STAB2: variants seen among roughly 807,000 people sequenced by gnomAD.
STAB2 encodes stabilin-2.
Under a neutral mutation model 338.1 loss-of-function variants are expected in STAB2, and 288 were observed. That is an observed-to-expected ratio of 0.85 (90% CI 0.77 to 0.94). The LOEUF is 0.94. STAB2 is among the 40% of genes least tolerant of loss of function. STAB2 has a pLI of 0.00. For synonymous variants in STAB2, 1,202 were observed against 1,193.3 expected, an observed-to-expected ratio of 1.01 and a Z score of -0.15; for missense variants, 3,141 against 3,210.1, an observed-to-expected ratio of 0.98 and a Z score of 0.52.
chr12:103,742,799 AT>A (rs1172851231), intron 56 of STAB2, among the ~76,000 whole-genome samples: 9 of 152,198 alleles, frequency 5.9e-5, no homozygotes, highest in African/African-American at 1.9e-4. Context: ...TGGCTGAACA[AT>A]GTTCATTCGA....
chr12:103,622,773 T>A (rs1397035158), intron 5 of STAB2, among the ~76,000 whole-genome samples: 1 of 152,210 alleles, frequency 6.6e-6, no homozygotes, highest in African/African-American at 2.4e-5. Context: ...CTTCCACCCA[T>A]CTTTATGATT....
chr12:103,705,827 C>T (rs969314607), intron 37 of STAB2, 100 bp downstream of exon 37: 1 of 1,091,822 alleles, frequency 9.2e-7, no homozygotes, highest in Non-Finnish European at 1.4e-6. Context: ...ATGCTTTCTG[C>T]CATCTCCTCT....
At chr12:103,597,191 T>C (rs1319169400) in intron 3 of STAB2, among the ~76,000 whole-genome samples, 1 of 152,082 alleles carries the variant, frequency 6.6e-6, no homozygotes, top group African/African-American at 2.4e-5. Flanking sequence ...AAACCTCTAC[T>C]TGGCAGTATA....
rs758916544 is a variant in STAB2 at position 103,704,663 on chromosome 12, C to A, written c.3900+49C>A. 5 of 1,541,784 alleles carry A rather than the reference C, an allele frequency of 3.2e-6. No individual in the cohort carries two copies. In the Admixed American group the frequency reaches 8.8e-5, roughly 27 times the overall value. On this transcript the variant is annotated intron_variant, in intron 36 of 68. Coordinates refer to ENST00000388887, the MANE Select transcript of STAB2 (RefSeq NM_017564.10). ...AAAATAGTTTCCAGATCCGAGGAGT[C>A]CCAATTAGAAAATGAACCTCAAGAT...
In STAB2 at chr12:103,708,548, G is replaced by A. The variant is rs370349357; in HGVS notation, c.4288+12G>A. On this transcript the variant is annotated intron_variant, in intron 39 of 68. Coordinates refer to ENST00000388887, the MANE Select transcript of STAB2 (RefSeq NM_017564.10). ...GCATTGTGACAATGGTAAGAGTGAG[G>A]CCTCCAGTATTTATAATCTGCTCTA... is the stretch of plus-strand genomic sequence containing the variant. The A allele has an allele frequency of 1.9e-6, 3 of 1,612,846 alleles. No individual in the cohort carries two copies. The highest frequency in any genetic ancestry group is 2.5e-6 in the Non-Finnish European group (3 of 1,179,008).
chr12:103,692,907 C>G lies in STAB2; in HGVS notation c.3375+18C>G. ...TCAACAAGGTACAAGATTCCATTCT[C>G]CTGTGCGTGCAGCATCTCTTTTCCC... is the stretch of plus-strand genomic sequence containing the variant. On this transcript the variant is annotated intron_variant, in intron 31 of 68. Coordinates refer to ENST00000388887, the MANE Select transcript of STAB2 (RefSeq NM_017564.10). 1 of 1,600,560 alleles carries G rather than the reference C, an allele frequency of 6.2e-7. No homozygotes were observed. Among genetic ancestry groups the G allele is most frequent in the Non-Finnish European group, 8.6e-7 (1 of 1,168,420 alleles).
At chr12:103,675,865 C>T (rs976614132) in intron 23 of STAB2, 63 bp from the exon 24 acceptor site, 2 of 1,343,150 alleles carry the variant, frequency 1.5e-6, no homozygotes, top group African/African-American at 1.5e-5. Context: ...CTCTAGCTGG[C>T]TGGCTCTCTT....
chr12:103,744,643 G>A (rs1464079047), intron 56 of STAB2, among the ~76,000 whole-genome samples: 1 of 150,258 alleles, frequency 6.7e-6, no homozygotes, highest in African/African-American at 2.5e-5. Context: ...ATTTTTGTTT[G>A]TTGTTGTTGT....
At chr12:103,661,046 T>G (rs537442417) in intron 17 of STAB2, among the ~76,000 whole-genome samples, 1 of 152,188 alleles carries the variant, frequency 6.6e-6, no homozygotes, top group South Asian at 2.1e-4. Flanking sequence ...ATTATTTAAT[T>G]ACAATGGTAA....
At chr12:103,688,246 G>A (rs953403444) in intron 28 of STAB2, 31 bp downstream of exon 28, 8 of 1,607,120 alleles carry the variant, frequency 5.0e-6, no homozygotes, top group Non-Finnish European at 6.8e-6. Flanking sequence ...TTAGGATTGG[G>A]AATGTATATA....
chr12:103,652,884 T>C (rs147704230), intron 12 of STAB2, among the ~76,000 whole-genome samples, 179 bp downstream of exon 12: 1 of 152,318 alleles, frequency 6.6e-6, no homozygotes, highest in African/African-American at 2.4e-5. Context: ...GGGAAGGCCA[T>C]GGAGGAAGGG....
chr12:103,663,518 A>G (rs1000471721), intron 18 of STAB2, among the ~76,000 whole-genome samples: 1 of 151,574 alleles, frequency 6.6e-6, no homozygotes, highest in Admixed American at 6.6e-5. Flanking sequence ...TTTTTTTTCT[A>G]GTTTTTTATT....
chr12:103,648,150 A>T (rs2138719636), intron 9 of STAB2, among the ~76,000 whole-genome samples: 1 of 152,306 alleles, frequency 6.6e-6, no homozygotes, highest in African/African-American at 2.4e-5. Flanking sequence ...TCATGAGAGT[A>T]TATATAATGG....
chr12:103,630,658 A>G (rs1224137414), intron 5 of STAB2, among the ~76,000 whole-genome samples: 1 of 152,224 alleles, frequency 6.6e-6, no homozygotes, highest in Non-Finnish European at 1.5e-5. Context: ...AGAGAGAACC[A>G]TAGAAATGGT....
intron 63 of STAB2, among the ~76,000 whole-genome samples, chr12:103,757,411 A>G (rs1884212267): frequency 6.6e-6 from 1 of 152,232 alleles, no homozygotes; most frequent in South Asian, 2.1e-4. Flanking sequence ...TTTAGCACTT[A>G]CCATGTGCTT....
intron 30 of STAB2, 47 bp from the exon 31 acceptor site, chr12:103,692,765 G>A (rs775067117): frequency 1.3e-6 from 2 of 1,501,274 alleles, no homozygotes; most frequent in Non-Finnish European, 1.8e-6. Flanking sequence ...CAATCCCAAG[G>A]TGCGCTCTAT....
chr12:103,592,859 C>A (rs998243343), intron 2 of STAB2, among the ~76,000 whole-genome samples: 8 of 152,144 alleles, frequency 5.3e-5, no homozygotes, highest in Admixed American at 1.3e-4. Context: ...TCCTTCCAAC[C>A]CTTAACAACC....
In STAB2 at chr12:103,692,885, A is replaced by G. The variant is rs1398841350; in HGVS notation, c.3371A>G (p.Asn1124Ser). Reference sequence around the variant, plus strand: ...ACAAATGGAGTGATACACATCATCAACAAGGTACAAGATTCCATTCTCCTG... The same window carrying G: ...ACAAATGGAGTGATACACATCATCAGCAAGGTACAAGATTCCATTCTCCTG... The part of the protein sequence containing the change: ...AATNGVIHII[N>S]KVLVPQRRLT... The change falls in exon 31 of 69, where the codon AAC becomes AGC. Residue 1124 changes from asparagine to serine, a missense_variant. Asn to Ser is a conservative substitution (Grantham distance 46). Coordinates refer to ENST00000388887, the MANE Select transcript of STAB2 (RefSeq NM_017564.10). 3 of 1,612,480 alleles carry G rather than the reference A, an allele frequency of 1.9e-6. No individual in the cohort carries two copies. Among genetic ancestry groups the G allele is most frequent in the African/African-American group, 1.3e-5 (1 of 74,876 alleles).
At position 103,766,347 on chromosome 12, in the gene STAB2, G is replaced by C; in HGVS notation, c.*11G>C. The C allele has an allele frequency of 6.2e-7, 1 of 1,601,546 alleles. No individual in the cohort carries two copies. On this transcript the variant is annotated 3_prime_UTR_variant, in exon 69 of 69. Transcript: ENST00000388887. ...TTGAGGACACTGTGAGGGCCTGGAC[G>C]GGAGATGCCAGCCATCACTCACTGC... is the stretch of plus-strand genomic sequence containing the variant.
Sources: allele counts gnomAD v4.1 joint callset (sites outside exome capture counted in the v4.1 genomes callset), GRCh38; gene constraint gnomAD v4.1.1; transcripts MANE v1.5; gene names NCBI Gene and HGNC (gene_info 2026-07-23, HGNC 2026-07-21).